The following WDPCP variants were observed in gnomAD, a reference collection of about 807,000 sequenced individuals.
WDPCP encodes the protein WD repeat containing planar cell polarity effector.
In WDPCP, 71 loss-of-function variants were observed where a neutral mutation model predicts 93.1. That is an observed-to-expected ratio of 0.76 (90% confidence interval 0.63 to 0.93). The LOEUF (loss-of-function observed/expected upper bound fraction) is 0.93. Ranked by LOEUF, WDPCP falls within the 40% of genes least tolerant of loss-of-function variation. The pLI, the probability that WDPCP is intolerant of heterozygous loss-of-function variation, is 0.00. For missense variants in WDPCP, 844 were observed against 887.4 expected (o/e 0.95, Z 0.62); for synonymous variants, 315 against 315.0 (o/e 1.00, Z 0.00).
chr2:63,304,696 T>C (rs1004379261), intron 13 of WDPCP, among the ~76,000 whole-genome samples: 5 of 152,112 alleles, frequency 3.3e-5, no homozygotes, highest in African/African-American at 1.2e-4. Flanking sequence ...CCGAGCTAGC[T>C]GCAGGAGTTT....
chr2:63,455,633 C>G (rs567841532), intron 6 of WDPCP, among the ~76,000 whole-genome samples: 1 of 152,104 alleles, frequency 6.6e-6, no homozygotes, highest in South Asian at 2.1e-4. Context: ...GAGGATATAA[C>G]AATTCTAAAT....
chr2:63,794,674 C>T (rs943849152), intron 2 of WDPCP, among the ~76,000 whole-genome samples: 1 of 152,212 alleles, frequency 6.6e-6, no homozygotes, highest in African/African-American at 2.4e-5. Context: ...TACCTCTAGA[C>T]TTCCAGTTGT....
intron 3 of WDPCP, among the ~76,000 whole-genome samples, chr2:63,595,898 T>C (rs889688400): frequency 6.6e-6 from 1 of 152,206 alleles, no homozygotes; most frequent in African/African-American, 2.4e-5. Flanking sequence ...AGTAGCATCC[T>C]GTAATGGAAA....
intron 2 of WDPCP, among the ~76,000 whole-genome samples, chr2:63,718,621 T>C (rs1268923426): frequency 6.6e-6 from 1 of 152,198 alleles, no homozygotes. Flanking sequence ...TGTTGAGTTG[T>C]TTGAGTTCCT....
chr2:63,590,779 G>C (rs947384553), upstream of WDPCP: 1 of 152,138 alleles, frequency 6.6e-6, no homozygotes, highest in Non-Finnish European at 1.5e-5. Flanking sequence ...GGAAGAATTT[G>C]TCTGGCAGTT....
intron 2 of WDPCP, among the ~76,000 whole-genome samples, chr2:63,722,503 G>T (rs1363772803): frequency 1.5e-5 from 2 of 137,154 alleles, no homozygotes; most frequent in Non-Finnish European, 3.3e-5. Context: ...CAGCCGCCCC[G>T]TCTGGGAAGT....
intron 1 of WDPCP, among the ~76,000 whole-genome samples, chr2:63,536,190 G>A (rs1013030107): frequency 1.7e-4 from 26 of 152,084 alleles, no homozygotes; most frequent in Non-Finnish European, 2.8e-4. Context: ...TTAGAATGGC[G>A]ATCATTAAAA....
chr2:63,295,786 A>G (rs1374304859), intron 13 of WDPCP, among the ~76,000 whole-genome samples: 1 of 150,692 alleles, frequency 6.6e-6, no homozygotes, highest in African/African-American at 2.4e-5. Context: ...TCGAACAACA[A>G]CAACAACAAA....
intron 2 of WDPCP, among the ~76,000 whole-genome samples, chr2:63,766,578 TAA>T (rs372826212): frequency 4.1e-5 from 6 of 145,510 alleles, no homozygotes; most frequent in African/African-American, 7.6e-5. Context: ...GTATGTTACT[TAA>T]AAAAAAAAAG....
At chr2:63,614,421 C>G (rs1247835997) in intron 3 of WDPCP, among the ~76,000 whole-genome samples, 1 of 152,174 alleles carries the variant, frequency 6.6e-6, no homozygotes, top group Admixed American at 6.5e-5. Context: ...CCTAATGAAG[C>G]CTAGATGAAC....
chr2:63,607,458 C>G (rs553775088), intron 3 of WDPCP, among the ~76,000 whole-genome samples: 1 of 150,720 alleles, frequency 6.6e-6, no homozygotes, highest in East Asian at 2.0e-4. Context: ...AATAGGTTGT[C>G]CCGGGGGGCG....
chr2:63,421,522 T>A (rs975561780), intron 9 of WDPCP, among the ~76,000 whole-genome samples: 1 of 152,176 alleles, frequency 6.6e-6, no homozygotes, highest in Non-Finnish European at 1.5e-5. Context: ...GATAGTCTTC[T>A]CAAGAAATAG....
chr2:63,459,743 C>CTG (rs1367721534), intron 6 of WDPCP, among the ~76,000 whole-genome samples: 1 of 151,922 alleles, frequency 6.6e-6, no homozygotes, highest in Non-Finnish European at 1.5e-5. Flanking sequence ...TGGTGAAACC[C>CTG]TGTGCCTAAT....
intron 17 of WDPCP, among the ~76,000 whole-genome samples, chr2:63,131,404 T>G (rs1486335434): frequency 6.6e-6 from 1 of 152,226 alleles, no homozygotes; most frequent in Non-Finnish European, 1.5e-5. Context: ...GTAACACATT[T>G]CAAATTTATG....
chr2:63,291,208 A>C (rs112470405), intron 13 of WDPCP, among the ~76,000 whole-genome samples: 3 of 152,052 alleles, frequency 2.0e-5, no homozygotes, highest in East Asian at 1.9e-4. Flanking sequence ...TTTTAAAAAA[A>C]ATACAGTTTC....
intron 13 of WDPCP, among the ~76,000 whole-genome samples, chr2:63,267,065 A>G (rs900151710): frequency 1.8e-4 from 27 of 152,174 alleles, no homozygotes; most frequent in African/African-American, 6.5e-4. Flanking sequence ...AGGCAACACA[A>G]TAACTTCAAA....
At chr2:63,290,029 G>T (rs901261004) in intron 13 of WDPCP, among the ~76,000 whole-genome samples, 1 of 150,464 alleles carries the variant, frequency 6.6e-6, no homozygotes, top group Non-Finnish European at 1.5e-5. Context: ...GACAATCTCT[G>T]ACTTTAAAAA....
At position 63,814,342 on chromosome 2, in the gene WDPCP, T is replaced by C. The variant is rs182229010; in HGVS notation, n.223-635A>G. Among the ~76,000 whole-genome samples, 11 of 152,090 alleles carry C rather than the reference T, an allele frequency of 7.2e-5. No individual in the cohort carries two copies. In the East Asian group the frequency reaches 2.1e-3, roughly 29 times the overall value. ...ATGATTCGAAAAAAAAATATGTCTT[T>C]CCTGGTTTGAAAAAAAAAAAGCAGA... On this transcript the variant is annotated intron_variant and non_coding_transcript_variant, in intron 1 of 4. Transcript: ENST00000467687.
chr2:63,828,826 T>C (rs540092462), upstream of WDPCP, among the ~76,000 whole-genome samples: 30 of 152,294 alleles, frequency 2.0e-4, no homozygotes, highest in African/African-American at 6.7e-4. Flanking sequence ...GCCTTCCCTC[T>C]TGTGAGCCTT....
Sources: allele counts gnomAD v4.1 joint callset (sites outside exome capture counted in the v4.1 genomes callset), GRCh38; gene constraint gnomAD v4.1.1; transcripts MANE v1.5; gene names NCBI Gene and HGNC (gene_info 2026-07-23, HGNC 2026-07-21).